Variants in SIN3B observed in about 807,000 individuals in gnomAD.
The protein encoded by SIN3B is paired amphipathic helix protein Sin3b.
SIN3B carries 19 observed loss-of-function variants against 120.2 expected under a neutral mutation model. The observed-to-expected ratio is 0.16, with a 90% CI of 0.11 to 0.23. The LOEUF is 0.23. Ranked by LOEUF, SIN3B falls within the 10% of genes least tolerant of loss-of-function variation. The pLI is 1.00. For synonymous variants in SIN3B, 654 were observed against 653.2 expected (o/e 1.00, Z -0.02); for missense variants, 1,073 against 1,573.0 (o/e 0.68, Z 5.38).
chr19:16,858,944 C>T (rs888490319), intron 8 of SIN3B, among the ~76,000 whole-genome samples: 1 of 151,782 alleles, frequency 6.6e-6, no homozygotes, highest in African/African-American at 2.4e-5. Context: ...AGCAAGCTGT[C>T]TCAAAAAAAC....
At chr19:16,857,515 ATATG>A (rs769684963) in intron 8 of SIN3B, among the ~76,000 whole-genome samples, 3 of 62,222 alleles carry the variant, frequency 4.8e-5, no homozygotes, top group East Asian at 4.3e-4. Context: ...CTTAAAAAAA[ATATG>A]TGTGTGTGTG....
rs773679004 is a variant in SIN3B at position 16,847,052 on chromosome 19, G to A, written c.665G>A (p.Arg222Gln). The change falls in exon 5 of 19, where the codon CGG becomes CAG. Residue 222 changes from arginine (R) to glutamine (Q), a missense_variant. Around this residue, in one of 7 missense-constraint regions of SIN3B, gnomAD observed 395 missense variants for 528.0 expected, o/e 0.75. Coordinates refer to ENST00000248054, the MANE Select transcript of SIN3B (RefSeq NM_001297595.2). ...TTCACCGAGGTGGCCAACCTCTTCC[G>A]GGGCCAGGAGGACCTGCTCTCAGAG... The part of the protein sequence containing the change: ...EVFTEVANLF[R>Q]GQEDLLSEFG... The A allele has an allele frequency of 2.0e-5, 32 of 1,614,018 alleles. No individual in the cohort carries two copies. The highest frequency in any genetic ancestry group is 2.7e-5 in the African/African-American group (2 of 74,940).
chr19:16,846,929 C>A (rs991953454), intron 4 of SIN3B, 41 bp from the exon 5 acceptor site: 2 of 1,602,706 alleles, frequency 1.2e-6, no homozygotes, highest in Non-Finnish European at 1.7e-6. Flanking sequence ...CACAGCACTC[C>A]TTGACTAACG....
intron 17 of SIN3B, among the ~76,000 whole-genome samples, 153 bp downstream of exon 17, chr19:16,877,792 T>G (rs979191380): frequency 2.6e-5 from 4 of 152,098 alleles, no homozygotes; most frequent in Admixed American, 2.6e-4. Context: ...CTTTTGAGGC[T>G]TGTGGTTTGC....
At position 16,851,490 on chromosome 19, in the gene SIN3B, C is replaced by T. The variant is rs148249040; in HGVS notation, c.805C>T (p.Arg269Cys). The stretch of plus-strand genomic sequence containing the variant: ...CAAGACCCCGGAGCACAGCAGGAAG[C>T]GCTCCCGGCCCTCGCTCCTCCGCCC... ...HDKTPEHSRK[R>C]SRPSLLRPVS... is the part of the protein sequence containing the mutation. Residue 269 changes from arginine to cysteine, a missense_variant, in exon 6 of 19, where the codon CGC becomes TGC. Arg to Cys is a radical substitution (Grantham distance 180). Coordinates refer to ENST00000248054, the MANE Select transcript of SIN3B (RefSeq NM_001297595.2). The T allele has an allele frequency of 8.1e-6, 13 of 1,609,020 alleles. No individual in the cohort carries two copies. Among genetic ancestry groups the T allele is most frequent in the African/African-American group, 1.3e-5 (1 of 74,752 alleles).
intron 4 of SIN3B, among the ~76,000 whole-genome samples, chr19:16,843,347 G>A (rs774558335): frequency 7.2e-5 from 11 of 152,220 alleles, no homozygotes; most frequent in Admixed American, 1.3e-4. Flanking sequence ...CAGCATAAGC[G>A]TTTCAGATCA....
chr19:16,874,190 T>G (rs1251552208), intron 14 of SIN3B, among the ~76,000 whole-genome samples: 2 of 152,278 alleles, frequency 1.3e-5, no homozygotes, highest in Non-Finnish European at 2.9e-5. Context: ...TCAGGCCACC[T>G]TCAGCTCATT....
Position 16,862,577 on chromosome 19 carries a change from T to C in SIN3B, c.1266+18T>C. On this transcript the variant is annotated intron_variant, in intron 9 of 18. Coordinates refer to ENST00000248054, the MANE Select transcript of SIN3B (RefSeq NM_001297595.2). This position sits in a 1 kb window ranked among gnomAD's most constrained non-coding sequence, Gnocchi z 4.7. ...GCAAGGAGGTAGCGCTCCCTGGGGC[T>C]CAAATGTTCGTTGACATGGTGCATC... is the stretch of plus-strand genomic sequence containing the variant. The C allele has an allele frequency of 3.1e-6, 5 of 1,605,514 alleles. No individual in the cohort carries two copies. The highest frequency in any genetic ancestry group is 4.3e-6 in the Non-Finnish European group (5 of 1,176,260).
chr19:16,864,718 C>A (rs989144682), intron 10 of SIN3B, among the ~76,000 whole-genome samples: 1 of 151,266 alleles, frequency 6.6e-6, no homozygotes, highest in Non-Finnish European at 1.5e-5. Context: ...TGGCTGGGCA[C>A]GATGGCTCAC....
At chr19:16,836,414 C>T (rs1189048349) in intron 3 of SIN3B, among the ~76,000 whole-genome samples, 1 of 152,158 alleles carries the variant, frequency 6.6e-6, no homozygotes, top group Non-Finnish European at 1.5e-5. Context: ...CATTTACTGT[C>T]TGGTAATTCA....
At chr19:16,836,799 C>G (rs748268618) in intron 3 of SIN3B, among the ~76,000 whole-genome samples, 3 of 152,194 alleles carry the variant, frequency 2.0e-5, no homozygotes, top group Non-Finnish European at 2.9e-5. Context: ...CGTGCAGCTC[C>G]TAACTTAAGC....
At chr19:16,849,335 A>T (rs1971516317) in intron 5 of SIN3B, among the ~76,000 whole-genome samples, 1 of 152,222 alleles carries the variant, frequency 6.6e-6, no homozygotes, top group African/African-American at 2.4e-5. Flanking sequence ...CTGCCCTAGT[A>T]GCTTGAAAGC....
chr19:16,861,060 CAG>C (rs1394942736), intron 8 of SIN3B, among the ~76,000 whole-genome samples: 1 of 152,122 alleles, frequency 6.6e-6, no homozygotes, highest in Non-Finnish European at 1.5e-5. Flanking sequence ...CTATTTTAAA[CAG>C]AAATCCAGGT....
At chr19:16,839,927 C>T (rs1335305175) in intron 3 of SIN3B, among the ~76,000 whole-genome samples, 1 of 152,042 alleles carries the variant, frequency 6.6e-6, no homozygotes, top group East Asian at 1.9e-4. Flanking sequence ...TCACTTGAAC[C>T]CGGGAGGCAA....
rs780084925 is a variant in SIN3B, at chr19:16,869,991, G to A, written c.2338G>A (p.Glu780Lys). 2 of 1,614,004 alleles carry A rather than the reference G, an allele frequency of 1.2e-6. No homozygotes were observed. Among genetic ancestry groups the A allele is most frequent in the South Asian group, 1.1e-5 (1 of 91,082 alleles). ...AQKQLLEYRTEKEREKLLCEG... is the reference protein window; with the variant it reads ...AQKQLLEYRTKKEREKLLCEG... The stretch of plus-strand genomic sequence containing the variant: ...GAAGCAGCTTCTGGAGTATCGGACC[G>A]AGAAGGAGCGGGAGAAGCTGCTGTG... Residue 780 changes from glutamate to lysine, a missense_variant, in exon 13 of 19, where the codon GAG becomes AAG. This residue lies in a region of SIN3B where 52 missense variants were observed against 68.8 expected (regional missense o/e 0.76). Coordinates refer to ENST00000248054, the MANE Select transcript of SIN3B (RefSeq NM_001297595.2).
At chr19:16,864,762 G>A (rs1279152839) in intron 10 of SIN3B, among the ~76,000 whole-genome samples, 1 of 151,360 alleles carries the variant, frequency 6.6e-6, no homozygotes, top group Admixed American at 6.6e-5. Flanking sequence ...AGGCTGAGGT[G>A]GGAGGACTGC....
rs1599622260 is a variant in SIN3B, at chr19:16,879,684, A to G, written c.*957A>G. On this transcript the variant is annotated 3_prime_UTR_variant, in exon 19 of 19. Coordinates refer to ENST00000248054, the MANE Select transcript of SIN3B (RefSeq NM_001297595.2). ...GCCACCCAAGGAGCCCCATCCGCCC[A>G]CCCACCCTGGGACCCACGCGGCCAC... 6.6e-6 allele frequency: 1 copy of G among 151,364 alleles called. No homozygotes were observed. The highest frequency in any genetic ancestry group is 6.6e-5 in the Admixed American group (1 of 15,214). The allele number at this position is 151,364 out of a possible 1,614,324, so 9.4% of individuals were successfully genotyped here.
intron 10 of SIN3B, among the ~76,000 whole-genome samples, chr19:16,864,158 G>A (rs527631242): frequency 5.0e-4 from 76 of 152,160 alleles, no homozygotes; most frequent in African/African-American, 1.8e-3. Flanking sequence ...GCCGGGCGTG[G>A]TGGCGGGCGC....
At chr19:16,838,510 C>G (rs1204393429) in intron 3 of SIN3B, among the ~76,000 whole-genome samples, 1 of 152,144 alleles carries the variant, frequency 6.6e-6, no homozygotes, top group Non-Finnish European at 1.5e-5. Flanking sequence ...GGTATCAGTG[C>G]TTCCTTCCTT....
Sources: allele counts gnomAD v4.1 joint callset (sites outside exome capture counted in the v4.1 genomes callset), GRCh38; gene constraint gnomAD v4.1.1; regional missense constraint gnomAD v4.1.1; non-coding constraint Gnocchi (gnomAD v3.1); transcripts MANE v1.5; gene names NCBI Gene and HGNC (gene_info 2026-07-23, HGNC 2026-07-21).